Variants in PAX2 observed in about 807,000 individuals in gnomAD.
The protein encoded by PAX2 is paired box 2.
In PAX2, 9 loss-of-function variants were observed where a neutral mutation model predicts 41.7. The observed-to-expected ratio is 0.22, with a 90% CI of 0.13 to 0.38. The LOEUF (loss-of-function observed/expected upper bound fraction) is 0.38, where lower values mean the gene tolerates loss of function less well. Among genes scored for constraint, PAX2 ranks in the 10% least tolerant of loss-of-function variants. The pLI, the probability that PAX2 is intolerant of heterozygous loss-of-function variation, is 1.00. For missense variants in PAX2, 418 were observed against 531.6 expected (o/e 0.79, Z 2.10); for synonymous variants, 221 against 212.7 (o/e 1.04, Z -0.34).
At chr10:100,766,591 T>C (rs1846038344) in intron 3 of PAX2, among the ~76,000 whole-genome samples, 1 of 152,218 alleles carries the variant, frequency 6.6e-6, no homozygotes, top group Admixed American at 6.5e-5. Flanking sequence ...CCTGTTCTCG[T>C]TTGGTAAAGT....
At chr10:100,789,055 T>G (rs1448397492) in intron 5 of PAX2, among the ~76,000 whole-genome samples, 2 of 152,180 alleles carry the variant, frequency 1.3e-5, no homozygotes, top group Non-Finnish European at 2.9e-5. Context: ...GGTTCAGCAC[T>G]GTAAGAAGGC....
At chr10:100,808,408 A>C (rs1847872475) in intron 6 of PAX2, among the ~76,000 whole-genome samples, 1 of 152,150 alleles carries the variant, frequency 6.6e-6, no homozygotes, top group Non-Finnish European at 1.5e-5. Flanking sequence ...ATTTAACGTA[A>C]TATTAATCAG....
In PAX2 at chr10:100,827,424, C is replaced by T. The variant is rs1848612672; in HGVS notation, c.1109-119C>T. 5 of 1,044,606 alleles carry T rather than the reference C, an allele frequency of 4.8e-6. No homozygotes were observed. The South Asian group carries it at 5.2e-5, about 11-fold the overall frequency. 64.7% of individuals were successfully genotyped at this position (1,044,606 alleles called of 1,614,324 possible). ...TGGCTCCACTGCCCAGCCAAGGTCT[C>T]CCAGTCCGGATCCCGCTGGACCCCA... On this transcript the variant is annotated intron_variant, in intron 9 of 9. Transcript: ENST00000355243. The surrounding 1 kb of genome is among the most constrained non-coding windows in gnomAD (Gnocchi z 8.5).
rs1232190152 is a variant in PAX2, at chr10:100,750,229, T to G, written c.212+315T>G. On this transcript the variant is annotated intron_variant, in intron 2 of 9. Transcript: ENST00000355243. This position sits in a 1 kb window ranked among gnomAD's most constrained non-coding sequence, Gnocchi z 4.1. ...AAGGCAGATACGGGGTGGGAGACAT[T>G]AGAGGAATGGGGGGGGAGTGAAAAT... Among the ~76,000 whole-genome samples the G allele has an allele frequency of 6.8e-6, 1 of 146,802 alleles. No individual in the cohort carries two copies. The highest frequency in any genetic ancestry group is 2.7e-5 in the African/African-American group (1 of 36,714).
intron 5 of PAX2, among the ~76,000 whole-genome samples, chr10:100,783,956 A>T (rs1412422238): frequency 3.3e-5 from 5 of 151,800 alleles, no homozygotes; most frequent in Admixed American, 2.0e-4. Context: ...CCAAATGGAG[A>T]TGTATTTTCC....
In PAX2 at chr10:100,829,017, G is replaced by T. The variant is rs867324583; in HGVS notation, c.*1398G>T. ...GTGCTGTGAGAGTCGCCGCTCGCTG[G>T]GGGGGAAGGGGGGGACACAGCTACA... On this transcript the variant is annotated 3_prime_UTR_variant, in exon 10 of 10. Coordinates refer to ENST00000355243, the MANE Select transcript of PAX2 (RefSeq NM_000278.5). 2.7e-5 allele frequency: 6 copies of T among 225,778 alleles called. No homozygotes were observed. The highest frequency in any genetic ancestry group is 5.3e-5 in the Non-Finnish European group (6 of 113,530). 14.0% of individuals were successfully genotyped at this position (225,778 alleles called of 1,614,324 possible).
At chr10:100,816,404 T>C (rs545820428) in intron 7 of PAX2, among the ~76,000 whole-genome samples, 2 of 152,362 alleles carry the variant, frequency 1.3e-5, no homozygotes, top group East Asian at 3.9e-4. Flanking sequence ...TTTAGTCCGT[T>C]ATTTGGTACT....
intron 5 of PAX2, among the ~76,000 whole-genome samples, chr10:100,799,387 G>A (rs1004584297): frequency 1.1e-4 from 16 of 152,314 alleles, no homozygotes; most frequent in African/African-American, 3.4e-4. Flanking sequence ...CTGTTTCCTC[G>A]TTTGTAAAAT....
Position 100,824,793 on chromosome 10 carries a change from T to C in PAX2, c.1021+44T>C. 6.6e-7 allele frequency: 1 copy of C among 1,514,460 alleles called. No individual in the cohort carries two copies. Among genetic ancestry groups the C allele is most frequent in the Non-Finnish European group, 9.2e-7 (1 of 1,089,290 alleles). 93.8% of individuals were successfully genotyped at this position (1,514,460 alleles called of 1,614,324 possible). ...GCTGCCTAATCTAGGTGGGGGGAACTAAATTGTGGGTGAGCTGCTGAATGG... is the reference window on the plus strand; with the variant it reads ...GCTGCCTAATCTAGGTGGGGGGAACCAAATTGTGGGTGAGCTGCTGAATGG... On this transcript the variant is annotated intron_variant, in intron 8 of 9. Transcript: ENST00000355243. The surrounding 1 kb of genome is among the most constrained non-coding windows in gnomAD (Gnocchi z 6.6).
intron 3 of PAX2, among the ~76,000 whole-genome samples, chr10:100,771,039 G>GGA (rs534052623): frequency 5.9e-5 from 9 of 152,190 alleles, no homozygotes; most frequent in Non-Finnish European, 1.2e-4. Flanking sequence ...GTCTAAGATG[G>GGA]GACCCGGTGA....
upstream of PAX2, among the ~76,000 whole-genome samples, chr10:100,743,569 C>A (rs1460696359): frequency 6.6e-6 from 1 of 152,204 alleles, no homozygotes; most frequent in Non-Finnish European, 1.5e-5. Context: ...CTCAACGTTC[C>A]TTTCACCCCA....
chr10:100,744,216 C>A (rs1049860897), upstream of PAX2, among the ~76,000 whole-genome samples: 1 of 152,158 alleles, frequency 6.6e-6, no homozygotes, highest in Non-Finnish European at 1.5e-5. Context: ...GCGGGGCGCC[C>A]GGAGCTGCAG....
At chr10:100,804,740 C>G (rs964391945) in intron 5 of PAX2, among the ~76,000 whole-genome samples, 1 of 152,192 alleles carries the variant, frequency 6.6e-6, no homozygotes, top group Admixed American at 6.5e-5. Context: ...CGCGTAGACA[C>G]GCAATACTCA....
At position 100,826,937 on chromosome 10, in the gene PAX2, G is replaced by A. The variant is rs935626859; in HGVS notation, c.1022-72G>A. Reference sequence around the variant, plus strand: ...CCCGGCGGGAGGAGCGGGCGGAGAAGCCACCGGCCGGACTCGTGGGGTCCG... The same window carrying A: ...CCCGGCGGGAGGAGCGGGCGGAGAAACCACCGGCCGGACTCGTGGGGTCCG... On this transcript the variant is annotated intron_variant, in intron 8 of 9. Transcript: ENST00000355243. The surrounding 1 kb of genome is among the most constrained non-coding windows in gnomAD (Gnocchi z 5.5). 4.8e-6 allele frequency: 5 copies of A among 1,033,642 alleles called. No homozygotes were observed. The highest frequency in any genetic ancestry group is 1.3e-5 in the South Asian group (1 of 78,414). 64.0% of individuals were successfully genotyped at this position (1,033,642 alleles called of 1,614,324 possible).
chr10:100,748,010 C>G lies in PAX2; in HGVS notation c.43+1707C>G, dbSNP rs1845266336. On this transcript the variant is annotated intron_variant, in intron 1 of 9. Transcript: ENST00000355243. The surrounding 1 kb of genome is among the most constrained non-coding windows in gnomAD (Gnocchi z 5.0). ...AGAGCCGCAGCGCGGGCCCGCGGGC[C>G]GGTGGACTGGTGGGTGAGACACCGC... The G allele has an allele frequency of 1.0e-6, 1 of 984,728 alleles. No individual in the cohort carries two copies. Among genetic ancestry groups the G allele is most frequent in the Non-Finnish European group, 1.2e-6 (1 of 829,872 alleles). The allele number at this position is 984,728 out of a possible 1,614,324, so 61.0% of individuals were successfully genotyped here.
At position 100,764,598 on chromosome 10, in the gene PAX2, C is replaced by G. The variant is rs141169089; in HGVS notation, c.410+13707C>G. 3.5e-3 allele frequency among the ~76,000 whole-genome samples: 527 copies of G among 152,350 alleles called. 1 individual carries two copies. The highest frequency in any genetic ancestry group is 5.3e-3 in the Non-Finnish European group (362 of 68,038). Reference sequence around the variant, plus strand: ...GTGTATTTCCAGAAAAAAAGACCCTCTATGATTCAGTAATCTGACCATTGA... The same window carrying G: ...GTGTATTTCCAGAAAAAAAGACCCTGTATGATTCAGTAATCTGACCATTGA... On this transcript the variant is annotated intron_variant, in intron 3 of 9. Transcript: ENST00000355243.
chr10:100,745,973 G>T lies in PAX2; in HGVS notation c.-288G>T, dbSNP rs540375172. 85 of 1,323,938 alleles carry T rather than the reference G, an allele frequency of 6.4e-5. No individual in the cohort carries two copies. The highest frequency in any genetic ancestry group is 7.9e-5 in the Non-Finnish European group (82 of 1,040,338). The allele number at this position is 1,323,938 out of a possible 1,614,324, so 82.0% of individuals were successfully genotyped here. ...GCAGCGCGAGCCATGCGCCCCCAGT[G>T]CACCCCGGCCCGGCCCACCGCCCCG... is the stretch of plus-strand genomic sequence containing the variant. On this transcript the variant is annotated 5_prime_UTR_variant, in exon 1 of 10. Transcript: ENST00000355243.
At chr10:100,807,306 C>T (rs1365286071) in intron 6 of PAX2, among the ~76,000 whole-genome samples, 2 of 151,938 alleles carry the variant, frequency 1.3e-5, no homozygotes, top group Admixed American at 1.3e-4. Flanking sequence ...ACCCACAGCC[C>T]ATGGTACTGT....
intron 5 of PAX2, among the ~76,000 whole-genome samples, chr10:100,799,685 T>C (rs1267699677): frequency 1.3e-5 from 2 of 152,170 alleles, no homozygotes; most frequent in African/African-American, 4.8e-5. Flanking sequence ...CTCGTAAAGT[T>C]TGAAGAGGTT....
Sources: gnomAD v4.1 joint callset for allele counts (sites outside exome capture counted in the v4.1 genomes callset) on GRCh38, gnomAD v4.1.1 for gene constraint, Gnocchi (gnomAD v3.1) non-coding constraint, MANE v1.5 for transcripts, NCBI Gene and HGNC (gene_info 2026-07-23, HGNC 2026-07-21) for gene names.